The following PCDH10 variants were observed in gnomAD, a reference collection of about 807,000 sequenced individuals.
PCDH10 encodes the protein protocadherin 10.
Under a neutral mutation model 74.4 loss-of-function variants are expected in PCDH10, and 15 were observed. The observed-to-expected ratio is 0.20, with a 90% confidence interval of 0.13 to 0.31. PCDH10 has a LOEUF of 0.31. Among genes scored for constraint, PCDH10 ranks in the 10% least tolerant of loss-of-function variants. The probability of loss-of-function intolerance (pLI) is 1.00; values close to 1 mark genes in which losing one functional copy is unlikely to be tolerated. For missense variants in PCDH10, 1,260 were observed against 1,390.2 expected, an observed-to-expected ratio of 0.91 and a Z score of 1.49; for synonymous variants, 619 against 589.8, an observed-to-expected ratio of 1.05 and a Z score of -0.72.
chr4:133,181,706 C>T (rs1299401146), intron 4 of PCDH10, among the ~76,000 whole-genome samples: 1 of 151,844 alleles, frequency 6.6e-6, no homozygotes, highest in Non-Finnish European at 1.5e-5. Context: ...CATTTTTAAC[C>T]CCCTTCTTAG....
rs975884488 is a variant in PCDH10 at position 133,192,497 on chromosome 4, C to A, written c.*2337C>A. 1 of 151,550 alleles carries A rather than the reference C, an allele frequency of 6.6e-6. No homozygotes were observed. The highest frequency in any genetic ancestry group is 1.5e-5 in the Non-Finnish European group (1 of 67,610). The allele number at this position is 151,550 out of a possible 1,614,324, so 9.4% of individuals were successfully genotyped here. On this transcript the variant is annotated 3_prime_UTR_variant, in exon 5 of 5. Coordinates refer to ENST00000264360, the MANE Select transcript of PCDH10 (RefSeq NM_032961.3). ...ATTATATTGTCATTTACCTCAAAGA[C>A]ATTTTCTTTAATTATTTAACCTTTT...
At chr4:133,199,784 TTAC>T (rs1278925307) in intron 2 of PCDH10, among the ~76,000 whole-genome samples, 24 of 141,896 alleles carry the variant, frequency 1.7e-4, no homozygotes, top group African/African-American at 6.2e-4. Flanking sequence ...ATTATTATTA[TTAC>T]TATTATTATT....
At chr4:133,175,085 ATTACCT>A (rs1727267042) in intron 4 of PCDH10, among the ~76,000 whole-genome samples, 2 of 151,910 alleles carry the variant, frequency 1.3e-5, no homozygotes, top group Non-Finnish European at 2.9e-5. Flanking sequence ...ATAGAGAAAG[ATTACCT>A]TTATTTTTTT....
chr4:133,193,325 A>T lies in PCDH10; in HGVS notation c.*3165A>T, dbSNP rs28693573. On this transcript the variant is annotated 3_prime_UTR_variant, in exon 5 of 5. Transcript: ENST00000264360. ...AGGAAATATGTGTATTTTATTTTTT[A>T]AAGATATTAAATGCACTGCCTTTAT... 126 of 151,698 alleles carry T rather than the reference A, an allele frequency of 8.3e-4. No homozygotes were observed. The highest frequency in any genetic ancestry group is 2.8e-3 in the African/African-American group (116 of 41,514). The allele number at this position is 151,698 out of a possible 1,614,324, so 9.4% of individuals were successfully genotyped here.
chr4:133,150,578 A>C lies in PCDH10; in HGVS notation c.438A>C (p.Ala146=). ...GCACTCGCTTCCCCTTGGAGAGCGC[A>C]TTCGACCCAGACGTGGGCACCAACT... ...TPGTRFPLES[A]FDPDVGTNSL... The change falls in exon 1 of 5, where the codon GCA becomes GCC. Residue 146 remains alanine, a synonymous_variant. Transcript: ENST00000264360. 1.2e-6 allele frequency: 2 copies of C among 1,613,540 alleles called. No homozygotes were observed. Among genetic ancestry groups the C allele is most frequent in the South Asian group, 2.2e-5 (2 of 91,038 alleles).
At chr4:133,166,121 C>T (rs181867402) in intron 4 of PCDH10, among the ~76,000 whole-genome samples, 1 of 151,456 alleles carries the variant, frequency 6.6e-6, no homozygotes, top group East Asian at 1.9e-4. Context: ...CTTATTTTTC[C>T]TATAATGTTG....
chr4:133,195,599 G>C (rs1727780113), downstream of PCDH10, among the ~76,000 whole-genome samples: 1 of 152,022 alleles, frequency 6.6e-6, no homozygotes, highest in South Asian at 2.1e-4. Context: ...GAGAAAGTAA[G>C]AATGAATGGT....
Position 133,150,024 on chromosome 4 carries a change from C to A in PCDH10, c.-117C>A, listed in dbSNP as rs920460483. 3.7e-6 allele frequency: 5 copies of A among 1,368,462 alleles called. No homozygotes were observed. The highest frequency in any genetic ancestry group is 4.8e-6 in the Non-Finnish European group (5 of 1,038,810). The allele number at this position is 1,368,462 out of a possible 1,614,324, so 84.8% of individuals were successfully genotyped here. On this transcript the variant is annotated 5_prime_UTR_variant, in exon 1 of 5. Transcript: ENST00000264360. Reference sequence around the variant, plus strand: ...TTTTAAAGACAGAAAGCCACAGGAGCCCCCACGTAGCGCACTTTTATTTGT... The same window carrying A: ...TTTTAAAGACAGAAAGCCACAGGAGACCCCACGTAGCGCACTTTTATTTGT...
intron 3 of PCDH10, among the ~76,000 whole-genome samples, chr4:133,161,675 A>G (rs1726974049): frequency 1.3e-5 from 2 of 151,780 alleles, no homozygotes; most frequent in Non-Finnish European, 1.5e-5. Context: ...TCTACAGACT[A>G]ATAATATACT....
chr4:133,186,059 GTATT>G, intron 4 of PCDH10, among the ~76,000 whole-genome samples: 1 of 152,000 alleles, frequency 6.6e-6, no homozygotes, highest in South Asian at 2.1e-4. Flanking sequence ...ATTTGTTTAA[GTATT>G]TAATTTTTCT....
At chr4:133,161,640 A>G (rs1338301151) in intron 3 of PCDH10, among the ~76,000 whole-genome samples, 2 of 151,860 alleles carry the variant, frequency 1.3e-5, no homozygotes, top group Non-Finnish European at 2.9e-5. Flanking sequence ...GTTTTTCCAG[A>G]CTGTGCATGG....
At chr4:133,163,887 A>T (rs930748041) in intron 4 of PCDH10, 4 of 440,484 alleles carry the variant, frequency 9.1e-6, no homozygotes, top group African/African-American at 2.0e-5. Context: ...AACTTAAAGG[A>T]AAAAAACAGA....
At position 133,190,832 on chromosome 4, in the gene PCDH10, C is replaced by G. The variant is rs890516391; in HGVS notation, c.*672C>G. 6.6e-6 allele frequency: 1 copy of G among 151,774 alleles called. No individual in the cohort carries two copies. Among genetic ancestry groups the G allele is most frequent in the Non-Finnish European group, 1.5e-5 (1 of 67,788 alleles). 9.4% of individuals were successfully genotyped at this position (151,774 alleles called of 1,614,324 possible). A position where few individuals can be genotyped will look rare whatever the true frequency, so the allele number is the denominator to read the frequency against. Reference sequence around the variant, plus strand: ...TTTTTAAATGGATGCATACAGTCCACATCATACAATAAAATAAAAGGTAAT... The same window carrying G: ...TTTTTAAATGGATGCATACAGTCCAGATCATACAATAAAATAAAAGGTAAT... On this transcript the variant is annotated 3_prime_UTR_variant, in exon 5 of 5. Coordinates refer to ENST00000264360, the MANE Select transcript of PCDH10 (RefSeq NM_032961.3).
At position 133,150,703 on chromosome 4, in the gene PCDH10, C is replaced by T. The variant is rs925443200; in HGVS notation, c.563C>T (p.Pro188Leu). Reference protein sequence around the residue: ...NRFAELVLEKPLDREQQAVHR... With the variant: ...NRFAELVLEKLLDREQQAVHR... ...TTCGCTGAGCTGGTGCTGGAGAAGC[C>T]ACTGGACCGAGAGCAGCAAGCGGTG... The change falls in exon 1 of 5, where the codon CCA (proline) becomes CTA (leucine). Residue 188 changes from proline to leucine, a missense_variant. By Grantham distance (98) the Pro-to-Leu change is moderately conservative. Transcript: ENST00000264360. 6.2e-7 allele frequency: 1 copy of T among 1,612,914 alleles called. No individual in the cohort carries two copies. The highest frequency in any genetic ancestry group is 1.3e-5 in the African/African-American group (1 of 74,788).
intron 4 of PCDH10, among the ~76,000 whole-genome samples, chr4:133,164,787 A>G (rs914027093): frequency 1.3e-5 from 2 of 150,898 alleles, no homozygotes; most frequent in Non-Finnish European, 3.0e-5. Context: ...ATATATTTTA[A>G]TGCAAATTTT....
chr4:133,180,839 G>T lies in PCDH10; in HGVS notation c.3104-9302G>T, dbSNP rs1209818666. On this transcript the variant is annotated intron_variant, in intron 4 of 4. Transcript: ENST00000264360. ...TAATGATTTAAGGATCTAAATCTTGGCATCTAATTAGAATGTAATTAAATA... is the reference window on the plus strand; with the variant it reads ...TAATGATTTAAGGATCTAAATCTTGTCATCTAATTAGAATGTAATTAAATA... Among the ~76,000 whole-genome samples, 4 of 151,640 alleles carry T rather than the reference G, an allele frequency of 2.6e-5. No individual in the cohort carries two copies. In the South Asian group the frequency reaches 8.3e-4, roughly 32 times the overall value.
At chr4:133,159,731 C>T (rs533556384) in intron 3 of PCDH10, among the ~76,000 whole-genome samples, 4 of 152,018 alleles carry the variant, frequency 2.6e-5, no homozygotes, top group South Asian at 4.1e-4. Flanking sequence ...TAAAATCCCA[C>T]AGTTTCCATA....
chr4:133,186,435 T>G, intron 4 of PCDH10, among the ~76,000 whole-genome samples: 1 of 152,144 alleles, frequency 6.6e-6, no homozygotes, highest in East Asian at 1.9e-4. Flanking sequence ...AAAAAAATGC[T>G]TTTGTGAAAT....
intron 4 of PCDH10, among the ~76,000 whole-genome samples, chr4:133,172,777 T>G (rs2125867102): frequency 6.6e-6 from 1 of 152,120 alleles, no homozygotes; most frequent in African/African-American, 2.4e-5. Flanking sequence ...CTGCAGAGCC[T>G]AATAAATACC....
Sources: allele counts gnomAD v4.1 joint callset (sites outside exome capture counted in the v4.1 genomes callset), GRCh38; gene constraint gnomAD v4.1.1; transcripts MANE v1.5; gene names NCBI Gene and HGNC (gene_info 2026-07-23, HGNC 2026-07-21).